ZNF566: variants seen among roughly 807,000 people sequenced by gnomAD.
ZNF566 encodes the protein zinc finger protein 566.
In ZNF566, 27 loss-of-function variants were observed where a neutral mutation model predicts 32.8. The observed-to-expected ratio is 0.82, with a 90% confidence interval of 0.61 to 1.14. The LOEUF is 1.14. Ranked by LOEUF, ZNF566 falls within the 50% of genes most tolerant of loss-of-function variation. ZNF566 has a pLI of 0.00. For missense variants in ZNF566, 402 were observed against 490.4 expected, an observed-to-expected ratio of 0.82 and a Z score of 1.70; for synonymous variants, 154 against 159.5, an observed-to-expected ratio of 0.97 and a Z score of 0.26.
At chr19:36,471,034 C>T (rs187841998) in intron 4 of ZNF566, among the ~76,000 whole-genome samples, 2,310 of 150,766 alleles carry the variant, frequency 0.015, 25 homozygotes, top group Non-Finnish European at 0.024. Context: ...TGGTGAAACC[C>T]TGTCTCTACT....
At chr19:36,482,099 T>TTTTA (rs930073393) in intron 1 of ZNF566, among the ~76,000 whole-genome samples, 102 of 152,128 alleles carry the variant, frequency 6.7e-4, no homozygotes, top group African/African-American at 2.1e-3. Flanking sequence ...CTAAGTTAAT[T>TTTTA]TTTATTTATT....
intron 4 of ZNF566, 63 bp downstream of exon 4, chr19:36,472,848 G>T: frequency 7.5e-7 from 1 of 1,330,302 alleles, no homozygotes; most frequent in Non-Finnish European, 1.1e-6. Context: ...TTCCCAGATA[G>T]CATCTAAAAG....
chr19:36,445,899 G>A lies in ZNF566; in HGVS notation c.*3078C>T, dbSNP rs978535677. 5 of 152,156 alleles carry A rather than the reference G, an allele frequency of 3.3e-5. No individual in the cohort carries two copies. The highest frequency in any genetic ancestry group is 1.2e-4 in the African/African-American group (5 of 41,446). The allele number at this position is 152,156 out of a possible 1,614,324, so 9.4% of individuals were successfully genotyped here. On this transcript the variant is annotated 3_prime_UTR_variant, in exon 5 of 5. Transcript: ENST00000452939. Reference sequence around the variant, plus strand: ...AATAAAACAGACAAGAATACAAAGTGTTTGTTGCAGCATTACTTTTAGATG... The same window carrying A: ...AATAAAACAGACAAGAATACAAAGTATTTGTTGCAGCATTACTTTTAGATG...
intron 4 of ZNF566, among the ~76,000 whole-genome samples, chr19:36,465,483 C>CTT (rs35816698): frequency 9.3e-5 from 14 of 150,234 alleles, no homozygotes; most frequent in Admixed American, 1.3e-4. Context: ...TTTATAAATA[C>CTT]TTTTTTTTTT....
At chr19:36,476,517 C>A (rs374667527) in intron 2 of ZNF566, 32 bp downstream of exon 2, 11 of 1,594,748 alleles carry the variant, frequency 6.9e-6, no homozygotes, top group Non-Finnish European at 9.5e-6. Context: ...GTAAAAATCA[C>A]TCTATCTGAG....
At chr19:36,464,952 C>T (rs940470238) in intron 4 of ZNF566, among the ~76,000 whole-genome samples, 2 of 151,844 alleles carry the variant, frequency 1.3e-5, no homozygotes, top group East Asian at 1.9e-4. Context: ...GATATCATAA[C>T]GAAAGTGAAT....
chr19:36,479,108 G>A (rs533177372), intron 1 of ZNF566, among the ~76,000 whole-genome samples: 132 of 152,268 alleles, frequency 8.7e-4, no homozygotes, highest in Non-Finnish European at 1.3e-3. Flanking sequence ...TTGTATGTAG[G>A]AAAATATCAA....
At chr19:36,462,103 C>T (rs2033480063) in intron 4 of ZNF566, among the ~76,000 whole-genome samples, 1 of 151,784 alleles carries the variant, frequency 6.6e-6, no homozygotes, top group African/African-American at 2.4e-5. Flanking sequence ...ATTCTCCTGC[C>T]TCAGCCTCCC....
Position 36,473,415 on chromosome 19 carries a change from T to C in ZNF566, c.53A>G (p.Glu18Gly), listed in dbSNP as rs1324399847. Residue 18 changes from glutamate (E) to glycine (G), a missense_variant, in exon 3 of 5, where the codon GAG (glutamate) becomes GGG (glycine). Physicochemically the swap from Glu to Gly is moderately conservative, Grantham distance 98 (BLOSUM62 -2). Transcript: ENST00000452939. Reference sequence around the variant, plus strand: ...ATCATCATTCAGGCATTCCCACTCCTCCTGAGAGAAGTCTACGGACACATC... The same window carrying C: ...ATCATCATTCAGGCATTCCCACTCCCCCTGAGAGAAGTCTACGGACACATC... Reference protein sequence around the residue: ...FSDVSVDFSQEEWECLNDDQR... With the variant: ...FSDVSVDFSQGEWECLNDDQR... 10 of 1,613,182 alleles carry C rather than the reference T, an allele frequency of 6.2e-6. No individual in the cohort carries two copies. Among genetic ancestry groups the C allele is most frequent in the African/African-American group, 1.3e-5 (1 of 74,898 alleles).
At chr19:36,485,572 G>A (rs1412127985) in intron 1 of ZNF566, among the ~76,000 whole-genome samples, 1 of 151,882 alleles carries the variant, frequency 6.6e-6, no homozygotes, top group Non-Finnish European at 1.5e-5. Flanking sequence ...GACCAGCCTG[G>A]CCAACATGGT....
chr19:36,468,672 T>TG, intron 4 of ZNF566, among the ~76,000 whole-genome samples: 1 of 151,350 alleles, frequency 6.6e-6, no homozygotes, highest in South Asian at 2.1e-4. Context: ...TCAGCCCTTC[T>TG]GGAGCCTGAG....
intron 1 of ZNF566, among the ~76,000 whole-genome samples, chr19:36,483,655 A>T (rs1193257671): frequency 3.9e-5 from 6 of 152,302 alleles, no homozygotes; most frequent in Admixed American, 2.6e-4. Flanking sequence ...CCATGAGTCC[A>T]TAGGTAAATA....
chr19:36,453,982 C>A (rs567754328), intron 4 of ZNF566, among the ~76,000 whole-genome samples: 14 of 152,128 alleles, frequency 9.2e-5, no homozygotes, highest in Non-Finnish European at 1.8e-4. Flanking sequence ...TGCCACCACA[C>A]CTGGCTAATT....
At chr19:36,453,300 C>G (rs2033210420) in intron 4 of ZNF566, among the ~76,000 whole-genome samples, 1 of 151,496 alleles carries the variant, frequency 6.6e-6, no homozygotes, top group Non-Finnish European at 1.5e-5. Flanking sequence ...TTGTGAAACC[C>G]TGTCTCTACT....
At chr19:36,488,603 T>C (rs1600190128) in intron 1 of ZNF566, among the ~76,000 whole-genome samples, 1 of 152,230 alleles carries the variant, frequency 6.6e-6, no homozygotes. Flanking sequence ...AATGTGGCTG[T>C]GTTGTTTATA....
intron 1 of ZNF566, among the ~76,000 whole-genome samples, chr19:36,485,757 C>T (rs1345025033): frequency 2.0e-5 from 3 of 149,120 alleles, no homozygotes; most frequent in Non-Finnish European, 3.0e-5. Context: ...AGCAAGACTT[C>T]GTCTCAAAAA....
intron 4 of ZNF566, among the ~76,000 whole-genome samples, chr19:36,467,531 T>C (rs2033648203): frequency 6.7e-6 from 1 of 150,236 alleles, no homozygotes; most frequent in South Asian, 2.1e-4. Context: ...GCACGGTGGC[T>C]CAAGACTATA....
chr19:36,481,815 C>T (rs569201823), intron 1 of ZNF566, among the ~76,000 whole-genome samples: 30 of 152,238 alleles, frequency 2.0e-4, no homozygotes, highest in Non-Finnish European at 3.5e-4. Flanking sequence ...ACCTAAATAT[C>T]CATACGTAGG....
At chr19:36,455,841 C>G (rs993829884) in intron 4 of ZNF566, among the ~76,000 whole-genome samples, 7 of 151,978 alleles carry the variant, frequency 4.6e-5, no homozygotes, top group Non-Finnish European at 1.0e-4. Flanking sequence ...GAGATCGAGA[C>G]CATCCTGGCT....
Sources: gnomAD v4.1 joint callset for allele counts (sites outside exome capture counted in the v4.1 genomes callset) on GRCh38, gnomAD v4.1.1 for gene constraint, MANE v1.5 for transcripts, NCBI Gene and HGNC (gene_info 2026-07-23, HGNC 2026-07-21) for gene names.